C11orf65: variants seen among roughly 807,000 people sequenced by gnomAD.
C11orf65 encodes the protein protein MFI.
Under a neutral mutation model 35.3 loss-of-function variants are expected in C11orf65, and 38 were observed. The ratio of observed to expected loss-of-function variants is 1.08; its 90% CI spans 0.83 to 1.41. The LOEUF is 1.41. Among genes scored for constraint, C11orf65 ranks in the 40% most tolerant of loss-of-function variants. The pLI is 0.00. For missense variants in C11orf65, 370 were observed against 367.1 expected, an observed-to-expected ratio of 1.01 and a Z score of -0.06; for synonymous variants, 105 against 114.4, an observed-to-expected ratio of 0.92 and a Z score of 0.53.
At chr11:108,350,308 A>G (rs2089029334) in intron 2 of C11orf65, among the ~76,000 whole-genome samples, 2 of 152,184 alleles carry the variant, frequency 1.3e-5, no homozygotes, top group Admixed American at 1.3e-4. Context: ...AGAGTAATCA[A>G]ACTTATTGTC....
At chr11:108,316,753 C>CAA (rs58165074) in intron 6 of C11orf65, among the ~76,000 whole-genome samples, 1,710 of 72,370 alleles carry the variant, frequency 0.024, 53 homozygotes, top group African/African-American at 0.062. Flanking sequence ...ACTAAAAATA[C>CAA]AAAAAAAAAA....
chr11:108,319,419 T>C (rs920783243), intron 6 of C11orf65, among the ~76,000 whole-genome samples: 3 of 152,184 alleles, frequency 2.0e-5, no homozygotes, highest in African/African-American at 7.2e-5. Context: ...TCTTCTCCTT[T>C]TCCCCCAGTT....
chr11:108,355,915 T>C (rs1240604605), intron 2 of C11orf65: 2 of 152,228 alleles, frequency 1.3e-5, no homozygotes, highest in African/African-American at 2.4e-5. Context: ...GGCATCTTTA[T>C]AGATCTCCTT....
chr11:108,314,775 TG>T (rs1333417266), intron 6 of C11orf65, among the ~76,000 whole-genome samples: 7 of 152,218 alleles, frequency 4.6e-5, no homozygotes, highest in African/African-American at 1.4e-4. Flanking sequence ...TATTATATAC[TG>T]TATTCTTAAA....
chr11:108,317,769 A>G (rs2084876810), intron 6 of C11orf65, among the ~76,000 whole-genome samples: 1 of 150,894 alleles, frequency 6.6e-6, no homozygotes, highest in African/African-American at 2.4e-5. Flanking sequence ...ATAGCCCTAA[A>G]TCCTTCAGTA....
chr11:108,431,845 G>T lies in C11orf65; in HGVS notation c.82-7C>A. On this transcript the variant is annotated splice_region_variant and splice_polypyrimidine_tract_variant and intron_variant, in intron 2 of 8. Transcript: ENST00000393084. The stretch of plus-strand genomic sequence containing the variant: ...GTTGAAATATAGCGACATTCTAAAG[G>T]TTCAAACACAAGATTTCATGATCAA... 1 of 1,441,402 alleles carries T rather than the reference G, an allele frequency of 6.9e-7. No individual in the cohort carries two copies. Among genetic ancestry groups the T allele is most frequent in the Non-Finnish European group, 9.4e-7 (1 of 1,065,664 alleles). The allele number at this position is 1,441,402 out of a possible 1,614,324, so 89.3% of individuals were successfully genotyped here.
chr11:108,318,006 A>G (rs905090667), intron 6 of C11orf65, among the ~76,000 whole-genome samples: 6 of 152,126 alleles, frequency 3.9e-5, no homozygotes, highest in African/African-American at 1.2e-4. Context: ...GATAGCACTT[A>G]TATTGGCTGG....
chr11:108,442,561 AG>A (rs1224352504), intron 2 of C11orf65, among the ~76,000 whole-genome samples: 23 of 152,238 alleles, frequency 1.5e-4, no homozygotes, highest in African/African-American at 5.5e-4. Context: ...AAAAATATTA[AG>A]GGCAGCCAGA....
At chr11:108,313,183 CTTTG>C (rs1419091390) in intron 6 of C11orf65, among the ~76,000 whole-genome samples, 1 of 152,184 alleles carries the variant, frequency 6.6e-6, no homozygotes, top group Non-Finnish European at 1.5e-5. Flanking sequence ...TCTTCCTGTG[CTTTG>C]TTTTTTTATC....
At chr11:108,309,167 G>A (rs976635857) in intron 6 of C11orf65, 9 of 637,104 alleles carry the variant, frequency 1.4e-5, no homozygotes, top group African/African-American at 7.3e-5. Context: ...ATCCTGTACA[G>A]TATGTTGGGC....
chr11:108,441,951 A>G (rs2093161380), intron 2 of C11orf65, among the ~76,000 whole-genome samples: 1 of 152,216 alleles, frequency 6.6e-6, no homozygotes. Context: ...CCAGCAACAG[A>G]ACAAAGCTGG....
chr11:108,466,184 C>T (rs1486929784), intron 1 of C11orf65, among the ~76,000 whole-genome samples: 3 of 151,984 alleles, frequency 2.0e-5, no homozygotes, highest in Non-Finnish European at 2.9e-5. Context: ...CCGTTGCTGG[C>T]TTTAGATAAG....
At chr11:108,396,470 AC>A (rs1283429499) in intron 6 of C11orf65, among the ~76,000 whole-genome samples, 5 of 152,298 alleles carry the variant, frequency 3.3e-5, no homozygotes, top group African/African-American at 1.2e-4. Flanking sequence ...TATAAAATGC[AC>A]TTTGTTTTCA....
chr11:108,330,992 A>G (rs1161538938), downstream of C11orf65, among the ~76,000 whole-genome samples: 2 of 152,184 alleles, frequency 1.3e-5, no homozygotes, highest in African/African-American at 4.8e-5. Flanking sequence ...TTAGAGATAA[A>G]ATGTTTCTCC....
intron 2 of C11orf65, chr11:108,336,051 C>A: frequency 2.1e-6 from 2 of 965,424 alleles, no homozygotes; most frequent in Non-Finnish European, 3.3e-6. Flanking sequence ...ATTCATAATG[C>A]TTTGGGAGGC....
intron 6 of C11orf65, among the ~76,000 whole-genome samples, chr11:108,403,409 G>GTTTGTT (rs2092475485): frequency 1.5e-5 from 1 of 67,310 alleles, no homozygotes; most frequent in Non-Finnish European, 2.8e-5. Flanking sequence ...TGTTTGAGAG[G>GTTTGTT]TTTTTTTTTT....
At chr11:108,444,946 C>G (rs192012332) in intron 2 of C11orf65, among the ~76,000 whole-genome samples, 55 of 152,304 alleles carry the variant, frequency 3.6e-4, no homozygotes, top group African/African-American at 1.3e-3. Flanking sequence ...AACGGCACAC[C>G]AGGAGATTAT....
chr11:108,408,765 G>T (rs1306162311), intron 3 of C11orf65, among the ~76,000 whole-genome samples: 1 of 143,634 alleles, frequency 7.0e-6, no homozygotes, highest in Non-Finnish European at 1.6e-5. Context: ...AGGTTTTCTA[G>T]ATTTTAGTTT....
chr11:108,447,026 G>C (rs1219516970), intron 2 of C11orf65, among the ~76,000 whole-genome samples: 1 of 152,094 alleles, frequency 6.6e-6, no homozygotes, highest in Non-Finnish European at 1.5e-5. Context: ...AAGATCAAAA[G>C]AGACAAAGAA....
Sources: allele counts gnomAD v4.1 joint callset (sites outside exome capture counted in the v4.1 genomes callset), GRCh38; gene constraint gnomAD v4.1.1; transcripts MANE v1.5; gene names NCBI Gene and HGNC (gene_info 2026-07-23, HGNC 2026-07-21).